The following RPTOR variants were observed in gnomAD, a reference collection of about 807,000 sequenced individuals.
RPTOR encodes regulatory associated protein of MTOR complex 1.
In RPTOR, 21 loss-of-function variants were observed where a neutral mutation model predicts 169.9. That is an observed-to-expected ratio of 0.12 (90% CI 0.09 to 0.18). The LOEUF (loss-of-function observed/expected upper bound fraction) is 0.18. Ranked by LOEUF, RPTOR falls within the 10% of genes least tolerant of loss-of-function variation. The pLI is 1.00. For missense variants in RPTOR, 1,133 were observed against 1,855.9 expected, an observed-to-expected ratio of 0.61 and a Z score of 7.16; for synonymous variants, 732 against 753.2, an observed-to-expected ratio of 0.97 and a Z score of 0.46.
chr17:80,926,798 C>A (rs4969227), intron 24 of RPTOR, among the ~76,000 whole-genome samples: 7 of 152,110 alleles, frequency 4.6e-5, no homozygotes, highest in Non-Finnish European at 8.8e-5. Flanking sequence ...ACTAGAGATT[C>A]GCAAATGGCG....
At chr17:80,826,239 T>G (rs2067441414) in intron 9 of RPTOR, among the ~76,000 whole-genome samples, 1 of 152,184 alleles carries the variant, frequency 6.6e-6, no homozygotes, top group Non-Finnish European at 1.5e-5. Flanking sequence ...CTGCCTTACC[T>G]GGGGCTGCTG....
intron 20 of RPTOR, among the ~76,000 whole-genome samples, chr17:80,896,139 G>A (rs1252960664): frequency 2.6e-5 from 4 of 151,160 alleles, no homozygotes; most frequent in Non-Finnish European, 5.9e-5. Flanking sequence ...CCTTTTTTGT[G>A]TTCATGTCTT....
At chr17:80,747,114 G>T (rs994063112) in intron 5 of RPTOR, among the ~76,000 whole-genome samples, 21 of 152,240 alleles carry the variant, frequency 1.4e-4, no homozygotes, top group African/African-American at 4.3e-4. Flanking sequence ...CTACTCAGGA[G>T]GCTGAGGGAG....
intron 1 of RPTOR, among the ~76,000 whole-genome samples, chr17:80,563,514 G>A (rs1297703399): frequency 2.3e-5 from 3 of 129,404 alleles, no homozygotes; most frequent in African/African-American, 5.8e-5. Flanking sequence ...GTGGTGAGCC[G>A]AGACTGCGCC....
At chr17:80,692,278 C>T (rs889649251) in intron 3 of RPTOR, among the ~76,000 whole-genome samples, 4 of 145,378 alleles carry the variant, frequency 2.8e-5, no homozygotes, top group African/African-American at 1.0e-4. Context: ...TGTCTGGCTA[C>T]GTTATGTTAT....
chr17:80,703,608 C>G (rs946848585), intron 3 of RPTOR, among the ~76,000 whole-genome samples: 1 of 152,046 alleles, frequency 6.6e-6, no homozygotes, highest in Non-Finnish European at 1.5e-5. Context: ...TTTTTGAGTC[C>G]TACCTCTCCA....
intron 2 of RPTOR, 75 bp downstream of exon 2, chr17:80,625,868 T>G: frequency 9.9e-7 from 1 of 1,012,084 alleles, no homozygotes; most frequent in Middle Eastern, 3.1e-4. Context: ...TCGCCAAGCC[T>G]GTGGTCTGGT....
At chr17:80,822,858 CAT>C (rs1453272971) in intron 8 of RPTOR, among the ~76,000 whole-genome samples, 3 of 151,988 alleles carry the variant, frequency 2.0e-5, no homozygotes, top group Non-Finnish European at 2.9e-5. Context: ...TGTGCACACA[CAT>C]GTATGTATGC....
At chr17:80,574,209 C>G (rs12103906) in intron 1 of RPTOR, among the ~76,000 whole-genome samples, 1 of 143,700 alleles carries the variant, frequency 7.0e-6, no homozygotes, top group African/African-American at 2.6e-5. Context: ...CCAGGCCGGA[C>G]TGCGGACTGC....
rs1242985080 is a variant in RPTOR at position 80,744,179 on chromosome 17, T to A, written c.655-9831T>A. ...CTAGCACAGCCCTGGTTACTAGCACTATCCTGGCTACTAGCACAGCCCTGG... is the reference window on the plus strand; with the variant it reads ...CTAGCACAGCCCTGGTTACTAGCACAATCCTGGCTACTAGCACAGCCCTGG... On this transcript the variant is annotated intron_variant, in intron 5 of 33. Transcript: ENST00000306801. Among the ~76,000 whole-genome samples the A allele has an allele frequency of 6.4e-5, 4 of 62,384 alleles. 2 individuals are homozygous for A. The highest frequency in any genetic ancestry group is 1.1e-3 in the East Asian group (2 of 1,804). The allele number at this position is 62,384 out of a possible 152,430, so 40.9% of individuals were successfully genotyped here. A position where few individuals can be genotyped will look rare whatever the true frequency, so the allele number is the denominator to read the frequency against.
At chr17:80,576,811 C>T (rs941997645) in intron 1 of RPTOR, among the ~76,000 whole-genome samples, 4 of 152,190 alleles carry the variant, frequency 2.6e-5, no homozygotes, top group African/African-American at 7.2e-5. Context: ...TCAAGCCATC[C>T]TCCCAACTCA....
At chr17:80,551,398 G>A (rs1025872062) in intron 1 of RPTOR, among the ~76,000 whole-genome samples, 20 of 152,296 alleles carry the variant, frequency 1.3e-4, no homozygotes, top group African/African-American at 4.3e-4. Flanking sequence ...ATTCGTGGGT[G>A]TTTCTCCGAG....
At position 80,733,872 on chromosome 17, in the gene RPTOR, T is replaced by G. The variant is rs148117611; in HGVS notation, c.654+3166T>G. On this transcript the variant is annotated intron_variant, in intron 5 of 33. Coordinates refer to ENST00000306801, the MANE Select transcript of RPTOR (RefSeq NM_020761.3). Reference sequence around the variant, plus strand: ...TTTGTGGTTTCAAGTAATATCCTTATGCTTTTATTTCTAGTTTTATCAGTA... The same window carrying G: ...TTTGTGGTTTCAAGTAATATCCTTAGGCTTTTATTTCTAGTTTTATCAGTA... 3.1e-3 allele frequency among the ~76,000 whole-genome samples: 473 copies of G among 152,398 alleles called. 1 individual carries two copies. The highest frequency in any genetic ancestry group is 5.7e-3 in the Non-Finnish European group (390 of 68,038).
chr17:80,654,991 C>G (rs2065668826), intron 3 of RPTOR, among the ~76,000 whole-genome samples: 1 of 152,232 alleles, frequency 6.6e-6, no homozygotes, highest in South Asian at 2.1e-4. Context: ...CATTCCTCTT[C>G]TAATCCTCCT....
chr17:80,591,596 C>T (rs2065108371), intron 1 of RPTOR, among the ~76,000 whole-genome samples: 1 of 151,910 alleles, frequency 6.6e-6, no homozygotes. Context: ...CCAGGGTGGT[C>T]TCGAACTCCT....
chr17:80,548,078 CTTTTTTTTTT>C (rs55928458), intron 1 of RPTOR, among the ~76,000 whole-genome samples: 1 of 102,782 alleles, frequency 9.7e-6, no homozygotes, highest in Non-Finnish European at 2.0e-5. Context: ...TTTTCTGTTT[CTTTTTTTTTT>C]TTTTTTTTTT....
intron 24 of RPTOR, among the ~76,000 whole-genome samples, chr17:80,938,029 T>G (rs1182749790): frequency 6.6e-6 from 1 of 152,224 alleles, no homozygotes; most frequent in Non-Finnish European, 1.5e-5. Context: ...CTGTGGGCTC[T>G]CTCCTAGAGC....
rs76515964 is a variant in RPTOR at position 80,559,957 on chromosome 17, A to G, written c.162+14166A>G. Reference sequence around the variant, plus strand: ...GCTCATGCTGTCTAGAAATGTCAGCATTAGTCAGTGTTTTGTGGGAAATCA... The same window carrying G: ...GCTCATGCTGTCTAGAAATGTCAGCGTTAGTCAGTGTTTTGTGGGAAATCA... On this transcript the variant is annotated intron_variant, in intron 1 of 33. Coordinates refer to ENST00000306801, the MANE Select transcript of RPTOR (RefSeq NM_020761.3). 2.3e-3 allele frequency among the ~76,000 whole-genome samples: 354 copies of G among 152,366 alleles called. 1 individual carries two copies. Among genetic ancestry groups the G allele is most frequent in the African/African-American group, 7.9e-3 (330 of 41,598 alleles).
At chr17:80,575,154 A>G (rs1314682651) in intron 1 of RPTOR, among the ~76,000 whole-genome samples, 1 of 151,952 alleles carries the variant, frequency 6.6e-6, no homozygotes, top group African/African-American at 2.4e-5. Flanking sequence ...GCATTCAACA[A>G]GTAGTAGTTT....
Sources: allele counts gnomAD v4.1 joint callset (sites outside exome capture counted in the v4.1 genomes callset), GRCh38; gene constraint gnomAD v4.1.1; transcripts MANE v1.5; gene names NCBI Gene and HGNC (gene_info 2026-07-23, HGNC 2026-07-21).